The following CADPS2 variants were observed in gnomAD, a reference collection of about 807,000 sequenced individuals.
CADPS2 encodes the protein calcium dependent secretion activator 2, also known as calcium-dependent secretion activator 2.
In CADPS2, 93 loss-of-function variants were observed where a neutral mutation model predicts 172.5. The observed-to-expected ratio is 0.54, with a 90% CI of 0.46 to 0.64. CADPS2 has a LOEUF of 0.64. CADPS2 is among the 30% of genes least tolerant of loss of function. CADPS2 has a pLI of 0.00. For missense variants in CADPS2, 1,420 were observed against 1,565.9 expected (o/e 0.91, Z 1.57); for synonymous variants, 546 against 555.2 (o/e 0.98, Z 0.23).
At chr7:122,766,721 AC>A (rs1326431551) in intron 1 of CADPS2, among the ~76,000 whole-genome samples, 1 of 152,170 alleles carries the variant, frequency 6.6e-6, no homozygotes, top group Non-Finnish European at 1.5e-5. Context: ...ACTTTTTAAA[AC>A]TTTGTAGAAC....
chr7:122,365,751 G>C (rs1341239511), intron 25 of CADPS2, among the ~76,000 whole-genome samples: 2 of 152,164 alleles, frequency 1.3e-5, no homozygotes, highest in Admixed American at 1.3e-4. Context: ...AAGTCTGCCT[G>C]GGTAATTACT....
At chr7:122,413,769 G>A (rs1310536588) in intron 19 of CADPS2, among the ~76,000 whole-genome samples, 1 of 152,110 alleles carries the variant, frequency 6.6e-6, no homozygotes, top group Non-Finnish European at 1.5e-5. Context: ...GAGATTTTCT[G>A]TTTTGCTTTG....
chr7:122,603,524 T>A (rs1198882559), intron 6 of CADPS2, among the ~76,000 whole-genome samples: 1 of 151,562 alleles, frequency 6.6e-6, no homozygotes, highest in Non-Finnish European at 1.5e-5. Flanking sequence ...CAGAGGTACC[T>A]GAAGAATATA....
intron 9 of CADPS2, among the ~76,000 whole-genome samples, chr7:122,498,635 T>C (rs1027216752): frequency 6.6e-6 from 1 of 152,190 alleles, no homozygotes; most frequent in Admixed American, 6.5e-5. Context: ...TCTAACCTAT[T>C]GCTTACCCTG....
chr7:122,698,945 AC>A (rs1564098133), intron 2 of CADPS2: 1 of 1,503,568 alleles, frequency 6.7e-7, no homozygotes, highest in Non-Finnish European at 8.9e-7. Flanking sequence ...TGACTTAAGA[AC>A]CAACCTAACA....
At chr7:122,529,843 A>T (rs982678508) in intron 8 of CADPS2, among the ~76,000 whole-genome samples, 7 of 152,100 alleles carry the variant, frequency 4.6e-5, no homozygotes, top group African/African-American at 1.7e-4. Context: ...CTTTTCAGGG[A>T]GATACATAAA....
At chr7:122,757,286 T>C (rs1377268981) in intron 1 of CADPS2, among the ~76,000 whole-genome samples, 2 of 151,976 alleles carry the variant, frequency 1.3e-5, no homozygotes, top group African/African-American at 4.8e-5. Context: ...AGCTGGGACT[T>C]GGGAGGTGCA....
At chr7:122,386,593 C>G (rs1272510728) in intron 24 of CADPS2, among the ~76,000 whole-genome samples, 1 of 151,940 alleles carries the variant, frequency 6.6e-6, no homozygotes, top group African/African-American at 2.4e-5. Context: ...ATTTTTAAGT[C>G]TATTTCAACC....
chr7:122,881,503 C>T (rs979871598), intron 1 of CADPS2, among the ~76,000 whole-genome samples: 2 of 152,144 alleles, frequency 1.3e-5, no homozygotes, highest in Non-Finnish European at 2.9e-5. Context: ...AACTCACTCC[C>T]AACAGGGCAA....
intron 1 of CADPS2, among the ~76,000 whole-genome samples, chr7:122,800,080 AG>A (rs1180861332): frequency 6.6e-6 from 1 of 152,244 alleles, no homozygotes; most frequent in African/African-American, 2.4e-5. Flanking sequence ...CAAGTGGAAA[AG>A]TAGCATTTAC....
chr7:122,677,619 G>T (rs1217878850), intron 2 of CADPS2, among the ~76,000 whole-genome samples: 1 of 152,106 alleles, frequency 6.6e-6, no homozygotes, highest in East Asian at 1.9e-4. Flanking sequence ...CATAAAGAAG[G>T]TGCTAGTATT....
chr7:122,801,612 A>G (rs1797668062), intron 1 of CADPS2, among the ~76,000 whole-genome samples: 1 of 152,194 alleles, frequency 6.6e-6, no homozygotes, highest in Non-Finnish European at 1.5e-5. Context: ...GCTACTATAA[A>G]GTTACATAAT....
chr7:122,645,605 T>TACAC (rs1485099798), intron 3 of CADPS2, among the ~76,000 whole-genome samples: 1 of 134,692 alleles, frequency 7.4e-6, no homozygotes, highest in Admixed American at 7.8e-5. Flanking sequence ...TATATATATA[T>TACAC]ACACACACAC....
intron 2 of CADPS2, among the ~76,000 whole-genome samples, chr7:122,674,427 T>TA (rs1273650913): frequency 1.3e-5 from 2 of 152,198 alleles, no homozygotes; most frequent in African/African-American, 2.4e-5. Flanking sequence ...AATTTTAACT[T>TA]ACATACAGCC....
chr7:122,443,190 C>A (rs1470493751), intron 15 of CADPS2, among the ~76,000 whole-genome samples: 1 of 152,130 alleles, frequency 6.6e-6, no homozygotes, highest in Non-Finnish European at 1.5e-5. Flanking sequence ...GCTCTGAGGT[C>A]CCACTGGGTA....
intron 6 of CADPS2, among the ~76,000 whole-genome samples, chr7:122,586,816 T>C (rs2069774374): frequency 6.6e-6 from 1 of 152,034 alleles, no homozygotes; most frequent in South Asian, 2.1e-4. Context: ...TTCCTTTATA[T>C]TGTCTGACTG....
chr7:122,819,359 C>T (rs1488744001), intron 1 of CADPS2, among the ~76,000 whole-genome samples: 1 of 152,210 alleles, frequency 6.6e-6, no homozygotes, highest in Admixed American at 6.5e-5. Flanking sequence ...CTGTCTGACT[C>T]CTTCCCAGAT....
intron 6 of CADPS2, among the ~76,000 whole-genome samples, chr7:122,586,616 C>A (rs2069735473): frequency 6.6e-6 from 1 of 151,984 alleles, no homozygotes; most frequent in South Asian, 2.1e-4. Context: ...TCTGTTAGAA[C>A]ACAAAGAAAA....
At chr7:122,614,371 T>C (rs995928871) in intron 6 of CADPS2, among the ~76,000 whole-genome samples, 1 of 152,134 alleles carries the variant, frequency 6.6e-6, no homozygotes, top group African/African-American at 2.4e-5. Context: ...TTCTCATATA[T>C]CTTCAGTGCC....
Sources: allele counts gnomAD v4.1 joint callset (sites outside exome capture counted in the v4.1 genomes callset), GRCh38; gene constraint gnomAD v4.1.1; transcripts MANE v1.5; gene names NCBI Gene and HGNC (gene_info 2026-07-23, HGNC 2026-07-21).